The following CREB5 variants were observed in gnomAD, a reference collection of about 807,000 sequenced individuals.
The protein encoded by CREB5 is cyclic AMP-responsive element-binding protein 5.
A neutral mutation model predicts 57.1 loss-of-function variants in CREB5; 19 were observed. The ratio of observed to expected loss-of-function variants is 0.33; its 90% CI spans 0.23 to 0.49. CREB5 has a LOEUF of 0.49. Among genes scored for constraint, CREB5 ranks in the 20% least tolerant of loss-of-function variants. The pLI is 0.99. For missense variants in CREB5, 579 were observed against 671.6 expected (o/e 0.86, Z 1.52); for synonymous variants, 238 against 238.3 (o/e 1.00, Z 0.01).
chr7:28,335,870 C>G (rs891567696), intron 1 of CREB5, among the ~76,000 whole-genome samples: 1 of 151,832 alleles, frequency 6.6e-6, no homozygotes, highest in Non-Finnish European at 1.5e-5. Context: ...TGTTATGTTC[C>G]GTCTATACCC....
chr7:28,336,708 T>C (rs956848534), intron 1 of CREB5, among the ~76,000 whole-genome samples: 41 of 152,110 alleles, frequency 2.7e-4, no homozygotes, highest in African/African-American at 9.9e-4. Context: ...TGCTCTGATC[T>C]TTACTATTTC....
chr7:28,704,388 A>G (rs1251202899), intron 5 of CREB5, among the ~76,000 whole-genome samples: 1 of 152,176 alleles, frequency 6.6e-6, no homozygotes, highest in Non-Finnish European at 1.5e-5. Flanking sequence ...CCAGTAAGGA[A>G]TTACTCATCT....
chr7:28,658,137 C>T (rs1358957548), intron 5 of CREB5, among the ~76,000 whole-genome samples: 2 of 152,272 alleles, frequency 1.3e-5, no homozygotes, highest in East Asian at 1.9e-4. Flanking sequence ...GGGCGGAGCA[C>T]GGCTTGCACA....
At chr7:28,520,888 A>G (rs1183326437) in intron 4 of CREB5, among the ~76,000 whole-genome samples, 2 of 152,260 alleles carry the variant, frequency 1.3e-5, no homozygotes, top group African/African-American at 2.4e-5. Flanking sequence ...ACAGCTGATA[A>G]ATCATTTTAA....
intron 7 of CREB5, among the ~76,000 whole-genome samples, chr7:28,773,301 A>T (rs1435781780): frequency 2.6e-5 from 4 of 152,196 alleles, no homozygotes; most frequent in Non-Finnish European, 1.5e-5. Flanking sequence ...ATTTACCCTT[A>T]ATTAGGAAAG....
intron 1 of CREB5, among the ~76,000 whole-genome samples, chr7:28,313,994 C>T (rs1467053699): frequency 6.6e-6 from 1 of 152,148 alleles, no homozygotes; most frequent in Non-Finnish European, 1.5e-5. Context: ...CATGCCAAAG[C>T]AACCCCCATA....
chr7:28,642,601 C>G (rs760939343), intron 5 of CREB5, among the ~76,000 whole-genome samples: 3 of 152,096 alleles, frequency 2.0e-5, no homozygotes, highest in Non-Finnish European at 2.9e-5. Context: ...TAATATCTGT[C>G]AAGGAATAAA....
At chr7:28,762,363 C>A (rs1456460005) in intron 7 of CREB5, among the ~76,000 whole-genome samples, 1 of 152,126 alleles carries the variant, frequency 6.6e-6, no homozygotes, top group African/African-American at 2.4e-5. Context: ...AAGGAATTTT[C>A]AATATATTGT....
intron 5 of CREB5, among the ~76,000 whole-genome samples, chr7:28,636,200 C>T (rs997049801): frequency 3.3e-5 from 5 of 152,146 alleles, no homozygotes; most frequent in Non-Finnish European, 7.3e-5. Flanking sequence ...CAGGATCACA[C>T]AGCTATGGCC....
intron 5 of CREB5, chr7:28,686,041 G>A (rs1800880209): frequency 7.8e-7 from 1 of 1,290,158 alleles, no homozygotes; most frequent in Non-Finnish European, 1.1e-6. Flanking sequence ...CAAAAGAAGG[G>A]CCAGCACATT....
chr7:28,720,558 C>T (rs1315129484), intron 6 of CREB5, among the ~76,000 whole-genome samples: 3 of 152,100 alleles, frequency 2.0e-5, no homozygotes, highest in Non-Finnish European at 2.9e-5. Context: ...AGGGGAACGG[C>T]GAAGGGCCCG....
intron 4 of CREB5, among the ~76,000 whole-genome samples, chr7:28,554,284 C>T (rs537711558): frequency 3.7e-4 from 56 of 152,290 alleles, no homozygotes; most frequent in Admixed American, 1.4e-3. Flanking sequence ...TCTTCTCTGT[C>T]AAGTCAGGGA....
At chr7:28,577,812 C>T (rs1795959541) in intron 5 of CREB5, among the ~76,000 whole-genome samples, 1 of 152,164 alleles carries the variant, frequency 6.6e-6, no homozygotes, top group Non-Finnish European at 1.5e-5. Context: ...TTGTAAACTA[C>T]TTGGTAAGGT....
intron 1 of CREB5, among the ~76,000 whole-genome samples, chr7:28,354,715 C>T (rs1786305853): frequency 6.6e-6 from 1 of 152,146 alleles, no homozygotes; most frequent in African/African-American, 2.4e-5. Flanking sequence ...GCCCACATCC[C>T]AGAGACTTAA....
chr7:28,560,879 C>CGTGCGTGT (rs1554344366), intron 4 of CREB5, among the ~76,000 whole-genome samples: 1 of 22,054 alleles, frequency 4.5e-5, no homozygotes, highest in Non-Finnish European at 1.0e-4. Context: ...CGTGCGCGTG[C>CGTGCGTGT]GTGCGTGCGT....
intron 5 of CREB5, among the ~76,000 whole-genome samples, chr7:28,652,351 A>C (rs1799164480): frequency 1.3e-5 from 2 of 152,218 alleles, no homozygotes; most frequent in African/African-American, 2.4e-5. Flanking sequence ...TTGGTTTCAC[A>C]CTATGGTTTT....
intron 1 of CREB5, among the ~76,000 whole-genome samples, chr7:28,350,226 T>C (rs564035184): frequency 1.3e-5 from 2 of 152,268 alleles, no homozygotes; most frequent in Admixed American, 1.3e-4. Context: ...AGATAGGTCA[T>C]TTTTTACTCC....
chr7:28,541,776 C>T (rs1004226124), intron 4 of CREB5, among the ~76,000 whole-genome samples: 18 of 152,308 alleles, frequency 1.2e-4, no homozygotes, highest in African/African-American at 3.8e-4. Flanking sequence ...AAATATACAC[C>T]TGTCATGTTT....
intron 1 of CREB5, among the ~76,000 whole-genome samples, chr7:28,354,452 T>G (rs913928418): frequency 2.0e-5 from 3 of 152,152 alleles, no homozygotes; most frequent in Non-Finnish European, 4.4e-5. Flanking sequence ...GGTTTTTCAG[T>G]TTTGGGACTC....
Sources: allele counts gnomAD v4.1 joint callset (sites outside exome capture counted in the v4.1 genomes callset), GRCh38; gene constraint gnomAD v4.1.1; transcripts MANE v1.5; gene names NCBI Gene and HGNC (gene_info 2026-07-23, HGNC 2026-07-21).